The following RFX3 variants were observed in gnomAD, a reference collection of about 807,000 sequenced individuals.
The protein encoded by RFX3 is transcription factor RFX3.
A neutral mutation model predicts 98.6 loss-of-function variants in RFX3; 14 were observed. The ratio of observed to expected loss-of-function variants is 0.14; its 90% CI spans 0.09 to 0.22. The LOEUF (loss-of-function observed/expected upper bound fraction) is 0.22. Among genes scored for constraint, RFX3 ranks in the 10% least tolerant of loss-of-function variants. RFX3 has a pLI of 1.00. For synonymous variants in RFX3, 383 were observed against 328.4 expected, an observed-to-expected ratio of 1.17 and a Z score of -1.80; for missense variants, 639 against 926.9, an observed-to-expected ratio of 0.69 and a Z score of 4.03.
At chr9:3,232,618 T>C (rs1818614986) in intron 15 of RFX3, among the ~76,000 whole-genome samples, 1 of 152,260 alleles carries the variant, frequency 6.6e-6, no homozygotes, top group Admixed American at 6.5e-5. Context: ...CTTCCTCATT[T>C]CAGCCTCACC....
At chr9:3,447,521 A>T (rs895072061) in intron 1 of RFX3, among the ~76,000 whole-genome samples, 2 of 152,168 alleles carry the variant, frequency 1.3e-5, no homozygotes, top group African/African-American at 4.8e-5. Flanking sequence ...CACAGGATAT[A>T]CAATTTGTTT....
intron 7 of RFX3, among the ~76,000 whole-genome samples, chr9:3,279,409 T>A (rs976256239): frequency 2.0e-5 from 3 of 151,938 alleles, no homozygotes; most frequent in Admixed American, 2.0e-4. Context: ...ATTTGAGTTA[T>A]TAATATTTAC....
intron 14 of RFX3, 74 bp from the exon 15 acceptor site, chr9:3,248,259 TA>T (rs975160179): frequency 1.6e-5 from 24 of 1,466,670 alleles, no homozygotes; most frequent in African/African-American, 8.6e-5. Flanking sequence ...TTTTTCCTCT[TA>T]AAAAAAAGTC....
intron 2 of RFX3, among the ~76,000 whole-genome samples, chr9:3,376,283 T>C (rs1838482311): frequency 6.6e-6 from 1 of 152,164 alleles, no homozygotes; most frequent in African/African-American, 2.4e-5. Context: ...TGGCAGTTTC[T>C]TATACGGTTC....
In RFX3 at chr9:3,319,374, A is replaced by G. The variant is rs140872834; in HGVS notation, c.474+10885T>C. ...CATGATCTTTTTTTTTTTCATTGCC[A>G]GAGTCAGACTGCAATGACTACTTAA... On this transcript the variant is annotated intron_variant, in intron 4 of 16. Transcript: ENST00000617270. Among the ~76,000 whole-genome samples the G allele has an allele frequency of 6.1e-3, 929 of 152,120 alleles. 3 individuals carry two copies. Among genetic ancestry groups the G allele is most frequent in the Non-Finnish European group, 9.9e-3 (670 of 67,996 alleles).
intron 1 of RFX3, among the ~76,000 whole-genome samples, chr9:3,463,708 T>G (rs1024698144): frequency 6.6e-5 from 10 of 152,076 alleles, no homozygotes; most frequent in African/African-American, 2.4e-4. Context: ...CTGGGGCTCA[T>G]GCTTATAATC....
At chr9:3,361,349 T>C (rs1476989135) in intron 2 of RFX3, among the ~76,000 whole-genome samples, 2 of 151,592 alleles carry the variant, frequency 1.3e-5, no homozygotes, top group East Asian at 1.9e-4. Flanking sequence ...AATGAAGCAA[T>C]TGAGGAAAGA....
Position 3,391,499 on chromosome 9 carries a change from G to A in RFX3, c.117+3973C>T, listed in dbSNP as rs566368775. Among the ~76,000 whole-genome samples, 362 of 152,190 alleles carry A rather than the reference G, an allele frequency of 2.4e-3. 3 individuals carry two copies. The highest frequency in any genetic ancestry group is 8.4e-3 in the African/African-American group (347 of 41,534). ...CTCACCTTCTTTGCTCGGTGTAAAG[G>A]AATATAAGGTATCACCTGCCTTGAA... On this transcript the variant is annotated intron_variant, in intron 2 of 16. Transcript: ENST00000617270.
At chr9:3,343,109 T>G (rs1297175303) in intron 3 of RFX3, among the ~76,000 whole-genome samples, 1 of 152,202 alleles carries the variant, frequency 6.6e-6, no homozygotes, top group East Asian at 1.9e-4. Flanking sequence ...ATCATCAAAT[T>G]ATAATGATTA....
chr9:3,387,219 T>C (rs2131804447), intron 2 of RFX3, among the ~76,000 whole-genome samples: 1 of 152,232 alleles, frequency 6.6e-6, no homozygotes, highest in Non-Finnish European at 1.5e-5. Flanking sequence ...TCAAATTCCA[T>C]CAAACTTGTA....
chr9:3,488,419 AT>A (rs1850453194), intron 1 of RFX3, among the ~76,000 whole-genome samples: 1 of 152,220 alleles, frequency 6.6e-6, no homozygotes, highest in African/African-American at 2.4e-5. Flanking sequence ...TATAATATCA[AT>A]GTCCATAGTC....
intron 13 of RFX3, among the ~76,000 whole-genome samples, chr9:3,260,926 A>G (rs868787932): frequency 2.0e-5 from 3 of 150,908 alleles, no homozygotes; most frequent in Middle Eastern, 3.4e-3. Flanking sequence ...ATATATATAT[A>G]TATCTCAGAA....
chr9:3,467,736 A>G (rs1298217792), intron 1 of RFX3, among the ~76,000 whole-genome samples: 3 of 152,210 alleles, frequency 2.0e-5, no homozygotes, highest in Non-Finnish European at 2.9e-5. Context: ...CCTGGAATGG[A>G]AAGAACAGAG....
At chr9:3,392,623 C>A (rs1840431215) in intron 2 of RFX3, among the ~76,000 whole-genome samples, 1 of 151,878 alleles carries the variant, frequency 6.6e-6, no homozygotes, top group Non-Finnish European at 1.5e-5. Context: ...ACTGAAATGG[C>A]CCATGAAGTT....
chr9:3,252,020 G>T (rs1264083651), intron 14 of RFX3, among the ~76,000 whole-genome samples: 1 of 152,046 alleles, frequency 6.6e-6, no homozygotes. Context: ...GGCTAATTTT[G>T]TATTTTTAGT....
intron 5 of RFX3, among the ~76,000 whole-genome samples, chr9:3,293,521 C>T (rs527477176): frequency 6.6e-6 from 1 of 152,240 alleles, no homozygotes; most frequent in East Asian, 1.9e-4. Flanking sequence ...CTAATTTTCC[C>T]TGTATTGATT....
chr9:3,506,175 G>C (rs1817072328), intron 1 of RFX3, among the ~76,000 whole-genome samples: 1 of 150,680 alleles, frequency 6.6e-6, no homozygotes, highest in African/African-American at 2.4e-5. Flanking sequence ...TAATTAAAAT[G>C]AGGGCTGGAT....
intron 4 of RFX3, among the ~76,000 whole-genome samples, chr9:3,313,154 T>C (rs527682084): frequency 3.9e-5 from 6 of 152,190 alleles, no homozygotes; most frequent in Non-Finnish European, 8.8e-5. Context: ...CAGGTGCTCC[T>C]CTGAGACGAA....
At chr9:3,516,337 C>T (rs1181777214) in intron 1 of RFX3, among the ~76,000 whole-genome samples, 4 of 152,246 alleles carry the variant, frequency 2.6e-5, no homozygotes, top group East Asian at 3.9e-4. Context: ...CATGAGCCAC[C>T]GCACCCAGCC....
Sources: allele counts gnomAD v4.1 joint callset (sites outside exome capture counted in the v4.1 genomes callset), GRCh38; gene constraint gnomAD v4.1.1; transcripts MANE v1.5; gene names NCBI Gene and HGNC (gene_info 2026-07-23, HGNC 2026-07-21).